TAFA4: variants seen among roughly 807,000 people sequenced by gnomAD.
TAFA4 encodes chemokine-like protein TAFA-4.
TAFA4 carries 20 observed loss-of-function variants against 21.1 expected under a neutral mutation model. That is an observed-to-expected ratio of 0.95 (90% CI 0.67 to 1.38). TAFA4 has a LOEUF of 1.38. Among genes scored for constraint, TAFA4 ranks in the 40% most tolerant of loss-of-function variants. The pLI, the probability that TAFA4 is intolerant of heterozygous loss-of-function variation, is 0.00. For synonymous variants in TAFA4, 71 were observed against 67.4 expected (o/e 1.05, Z -0.26); for missense variants, 211 against 180.9 (o/e 1.17, Z -0.95).
At chr3:68,801,636 G>A (rs1472629006) in intron 3 of TAFA4, among the ~76,000 whole-genome samples, 1 of 152,236 alleles carries the variant, frequency 6.6e-6, no homozygotes, top group East Asian at 1.9e-4. Flanking sequence ...CCATAATCTG[G>A]CTCAAGGGTT....
chr3:68,907,076 A>C (rs1225059320), intron 1 of TAFA4, among the ~76,000 whole-genome samples: 3 of 151,506 alleles, frequency 2.0e-5, no homozygotes, highest in Non-Finnish European at 2.9e-5. Context: ...GGAAGGGGAG[A>C]AAGAACTCAT....
At chr3:68,769,717 C>CA (rs1702918630) in intron 3 of TAFA4, among the ~76,000 whole-genome samples, 1 of 152,032 alleles carries the variant, frequency 6.6e-6, no homozygotes, top group Non-Finnish European at 1.5e-5. Flanking sequence ...TAGTAAAAAC[C>CA]AAAAAATTCC....
intron 3 of TAFA4, among the ~76,000 whole-genome samples, chr3:68,816,142 A>T (rs945581861): frequency 6.6e-6 from 1 of 152,058 alleles, no homozygotes; most frequent in Non-Finnish European, 1.5e-5. Flanking sequence ...AGGAAGGGGA[A>T]CATCACACAC....
intron 3 of TAFA4, among the ~76,000 whole-genome samples, chr3:68,829,872 G>T (rs920374725): frequency 3.3e-5 from 5 of 152,198 alleles, no homozygotes; most frequent in Admixed American, 1.3e-4. Flanking sequence ...AGAGCCTGTT[G>T]TTGGTCTATT....
chr3:68,867,407 A>C (rs547757441), intron 3 of TAFA4, among the ~76,000 whole-genome samples: 5 of 152,148 alleles, frequency 3.3e-5, no homozygotes, highest in Non-Finnish European at 7.4e-5. Flanking sequence ...GCACTACTAG[A>C]CTTGTCTTAC....
Position 68,806,541 on chromosome 3 carries a change from G to A in TAFA4, c.131-53523C>T, listed in dbSNP as rs146854157. Reference sequence around the variant, plus strand: ...GGCCAAGAGTATATAAGATAGCAATGATACACAAATATCACCAACATTCAT... The same window carrying A: ...GGCCAAGAGTATATAAGATAGCAATAATACACAAATATCACCAACATTCAT... On this transcript the variant is annotated intron_variant, in intron 3 of 5. Coordinates refer to ENST00000295569, the MANE Select transcript of TAFA4 (RefSeq NM_182522.5). 2.9e-3 allele frequency among the ~76,000 whole-genome samples: 448 copies of A among 152,194 alleles called. 2 individuals are homozygous for A. The highest frequency in any genetic ancestry group is 0.01 in the African/African-American group (427 of 41,530).
rs1704974064 is a variant in TAFA4 at position 68,852,541 on chromosome 3, C to T, written c.130+28189G>A. The stretch of plus-strand genomic sequence containing the variant: ...AAGGTGATATACTCACCTCCACCTG[C>T]CTGACTCCATGACTGTCTCAACCAA... On this transcript the variant is annotated intron_variant, in intron 3 of 5. Coordinates refer to ENST00000295569, the MANE Select transcript of TAFA4 (RefSeq NM_182522.5). Among the ~76,000 whole-genome samples, 4 of 152,162 alleles carry T rather than the reference C, an allele frequency of 2.6e-5. No homozygotes were observed. The South Asian group carries it at 8.3e-4, about 32-fold the overall frequency.
intron 3 of TAFA4, among the ~76,000 whole-genome samples, chr3:68,816,083 C>T (rs1019834258): frequency 1.3e-5 from 2 of 151,958 alleles, no homozygotes; most frequent in Non-Finnish European, 2.9e-5. Flanking sequence ...CCAAACACCG[C>T]ATGTTCTAAC....
In TAFA4 at chr3:68,739,075, C is replaced by T. The variant is rs1465445695; in HGVS notation, c.411G>A (p.Lys137=). ...CSSGNKVKTT[K]VTR ...GTAGTTGCATTTTGTCTATACTTGC[C>T]TTCGTAGTTTTGACTTTATTGCCAC... is the stretch of plus-strand genomic sequence containing the variant. The change falls in exon 5 of 6, where the codon AAG becomes AAA. Residue 137 remains lysine, a splice_region_variant and synonymous_variant. Transcript: ENST00000295569. 2.0e-5 allele frequency: 32 copies of T among 1,613,366 alleles called. No homozygotes were observed. The highest frequency in any genetic ancestry group is 2.6e-5 in the Non-Finnish European group (31 of 1,179,738).
At chr3:68,750,071 G>C (rs1013703477) in intron 4 of TAFA4, among the ~76,000 whole-genome samples, 1 of 152,152 alleles carries the variant, frequency 6.6e-6, no homozygotes, top group Non-Finnish European at 1.5e-5. Flanking sequence ...TGTGACACTA[G>C]GGAAACCATT....
chr3:68,877,858 G>A (rs1311381365), intron 3 of TAFA4, among the ~76,000 whole-genome samples: 1 of 152,144 alleles, frequency 6.6e-6, no homozygotes, highest in Non-Finnish European at 1.5e-5. Context: ...TGTGAAAACA[G>A]CTGCCATTTA....
intron 3 of TAFA4, among the ~76,000 whole-genome samples, chr3:68,765,278 T>C (rs572566460): frequency 6.6e-6 from 1 of 152,342 alleles, no homozygotes; most frequent in Admixed American, 6.5e-5. Context: ...AATCTCTGTA[T>C]GTATAATGTA....
chr3:68,796,062 GTCTC>G (rs755476681), intron 3 of TAFA4, among the ~76,000 whole-genome samples: 1 of 152,048 alleles, frequency 6.6e-6, no homozygotes, highest in African/African-American at 2.4e-5. Flanking sequence ...AATAAACGGA[GTCTC>G]TCTCTGTGCT....
intron 3 of TAFA4, among the ~76,000 whole-genome samples, chr3:68,822,385 T>G (rs1232122507): frequency 6.6e-6 from 1 of 152,202 alleles, no homozygotes; most frequent in Non-Finnish European, 1.5e-5. Context: ...TGGCCTTTTT[T>G]CTTATTCACT....
At chr3:68,922,018 CT>C (rs1575675065) in intron 1 of TAFA4, among the ~76,000 whole-genome samples, 3 of 152,184 alleles carry the variant, frequency 2.0e-5, no homozygotes, top group African/African-American at 7.2e-5. Context: ...TTAATTTGTA[CT>C]TTTGGTTCAG....
chr3:68,898,076 G>A (rs1292658418), intron 1 of TAFA4, among the ~76,000 whole-genome samples: 1 of 152,186 alleles, frequency 6.6e-6, no homozygotes, highest in Non-Finnish European at 1.5e-5. Flanking sequence ...AGGGAAGTGA[G>A]TGCAATCAGG....
intron 4 of TAFA4, among the ~76,000 whole-genome samples, chr3:68,750,537 C>T (rs771562142): frequency 2.6e-5 from 4 of 152,158 alleles, no homozygotes; most frequent in African/African-American, 7.2e-5. Flanking sequence ...TCCAAATACA[C>T]AGATATACAG....
chr3:68,814,835 A>C (rs1188972228), intron 3 of TAFA4, among the ~76,000 whole-genome samples: 1 of 152,202 alleles, frequency 6.6e-6, no homozygotes, highest in East Asian at 1.9e-4. Context: ...TATGGAACCC[A>C]AAAACAGCCC....
At chr3:68,821,145 T>C (rs962115036) in intron 3 of TAFA4, among the ~76,000 whole-genome samples, 2 of 152,180 alleles carry the variant, frequency 1.3e-5, no homozygotes, top group Non-Finnish European at 2.9e-5. Flanking sequence ...ATACATTCAG[T>C]GATGCTGAAA....
Sources: allele counts gnomAD v4.1 joint callset (sites outside exome capture counted in the v4.1 genomes callset), GRCh38; gene constraint gnomAD v4.1.1; transcripts MANE v1.5; gene names NCBI Gene and HGNC (gene_info 2026-07-23, HGNC 2026-07-21).